Variants in PRX observed in about 807,000 individuals in gnomAD.
PRX encodes the protein periaxin.
In PRX, 24 loss-of-function variants were observed where a neutral mutation model predicts 29.6. The ratio of observed to expected loss-of-function variants is 0.81; its 90% CI spans 0.59 to 1.14. The LOEUF (loss-of-function observed/expected upper bound fraction) is 1.14. Among genes scored for constraint, PRX ranks in the 50% most tolerant of loss-of-function variants. PRX has a pLI of 0.00. For missense variants in PRX, 1,838 were observed against 1,926.4 expected (o/e 0.95, Z 0.86); for synonymous variants, 772 against 831.7 (o/e 0.93, Z 1.24).
At chr19:40,399,847 TTTCCTTTC>T (rs1568711419) in intron 5 of PRX, among the ~76,000 whole-genome samples, 1 of 137,348 alleles carries the variant, frequency 7.3e-6, no homozygotes, top group African/African-American at 2.7e-5. Flanking sequence ...CCCAGCTTTC[TTTCCTTTC>T]TTTCTTTCTT....
At chr19:40,409,732 A>T (rs1227998469) in intron 1 of PRX, among the ~76,000 whole-genome samples, 1 of 152,102 alleles carries the variant, frequency 6.6e-6, no homozygotes, top group Non-Finnish European at 1.5e-5. Flanking sequence ...TCAGCCTCCC[A>T]AAGTGCTGGG....
chr19:40,399,846 C>CT (rs2079475511), intron 5 of PRX, among the ~76,000 whole-genome samples: 2 of 129,692 alleles, frequency 1.5e-5, no homozygotes, highest in East Asian at 2.2e-4. Flanking sequence ...ACCCAGCTTT[C>CT]TTTCCTTTCT....
chr19:40,412,576 A>G (rs1475913409), intron 1 of PRX, among the ~76,000 whole-genome samples: 1 of 152,118 alleles, frequency 6.6e-6, no homozygotes, highest in African/African-American at 2.4e-5. Context: ...AGTGGCCCCC[A>G]CTTTCTCTGC....
chr19:40,407,546 C>T, intron 4 of PRX: 1 of 405,584 alleles, frequency 2.5e-6, no homozygotes, highest in Non-Finnish European at 4.6e-6. Flanking sequence ...AGCGATCCTC[C>T]TGCCTCGGCC....
At chr19:40,412,480 T>TA (rs2079562927) in intron 1 of PRX, among the ~76,000 whole-genome samples, 1 of 152,136 alleles carries the variant, frequency 6.6e-6, no homozygotes, top group African/African-American at 2.4e-5. Context: ...TTGATTAATA[T>TA]AAACTCGTCT....
intron 5 of PRX, among the ~76,000 whole-genome samples, chr19:40,399,850 C>CTTTCTTT (rs2079475654): frequency 3.3e-5 from 4 of 119,624 alleles, no homozygotes; most frequent in East Asian, 2.6e-4. Flanking sequence ...AGCTTTCTTT[C>CTTTCTTT]CTTTCTTTCT....
At chr19:40,412,484 C>A (rs949159581) in intron 1 of PRX, among the ~76,000 whole-genome samples, 1 of 152,170 alleles carries the variant, frequency 6.6e-6, no homozygotes, top group Non-Finnish European at 1.5e-5. Flanking sequence ...TTAATATAAA[C>A]TCGTCTCTGA....
intron 4 of PRX, among the ~76,000 whole-genome samples, chr19:40,407,211 C>G (rs1039284171): frequency 9.8e-6 from 1 of 102,394 alleles, no homozygotes; most frequent in Non-Finnish European, 1.8e-5. Context: ...ATTATATGCC[C>G]TTGTGTGTGT....
rs886054437 is a variant in PRX at position 40,396,281 on chromosome 19, T to G, written c.2071A>C (p.Met691Leu). 2 of 1,600,110 alleles carry G rather than the reference T, an allele frequency of 1.2e-6. No homozygotes were observed. The highest frequency in any genetic ancestry group is 1.7e-6 in the Non-Finnish European group (2 of 1,175,270). ...ATTTCAGGCACCTTGGGGAGTTTCA[T>G]CTCTGAGACTTTTGGCAGCTGCACC... ...PEVQLPKVSE[M>L]KLPKVPEMAV... Residue 691 changes from methionine to leucine, a missense_variant, in exon 7 of 7, where the codon ATG becomes CTG. By Grantham distance (15) the Met-to-Leu change is conservative. Around this residue, in one of 3 missense-constraint regions of PRX, gnomAD observed 1,143 missense variants for 1,193.0 expected, o/e 0.96. Transcript: ENST00000324001.
chr19:40,398,276 G>A lies in PRX; in HGVS notation c.382-306C>T, dbSNP rs2079461676. On this transcript the variant is annotated intron_variant, in intron 6 of 6. Coordinates refer to ENST00000324001, the MANE Select transcript of PRX (RefSeq NM_181882.3). The surrounding 1 kb of genome is among the most constrained non-coding windows in gnomAD (Gnocchi z 6.3). ...ATGGGGAAACTGAGGCCCAGGGAGA[G>A]AAACAACTTTGTCCAGGGCCACTCA... 1 of 1,414,862 alleles carries A rather than the reference G, an allele frequency of 7.1e-7. No individual in the cohort carries two copies. The highest frequency in any genetic ancestry group is 1.4e-5 in the African/African-American group (1 of 69,442). The allele number at this position is 1,414,862 out of a possible 1,614,324, so 87.6% of individuals were successfully genotyped here.
upstream of PRX, chr19:40,413,506 C>T (rs755170588): frequency 2.0e-5 from 3 of 152,364 alleles, no homozygotes; most frequent in Non-Finnish European, 4.4e-5. Context: ...ACATCCCCCT[C>T]CTCCAGCTAC....
chr19:40,397,843 A>G lies in PRX; in HGVS notation c.509T>C (p.Leu170Pro), dbSNP rs1387520113. ...AGGACCCTTGACAGCCTCGGCTTTG[A>G]GGCCCCGACGCAGGCGGGAGAACTT... The part of the protein sequence containing the change: ...FPKFSRLRRG[L>P]KAEAVKGPVP... The change falls in exon 7 of 7, where the codon CTC becomes CCC. Residue 170 changes from leucine (L) to proline (P), a missense_variant. This residue lies in a region of PRX where 666 missense variants were observed against 665.0 expected (regional missense o/e 1.00). Coordinates refer to ENST00000324001, the MANE Select transcript of PRX (RefSeq NM_181882.3). The G allele has an allele frequency of 2.5e-6, 4 of 1,601,140 alleles. No individual in the cohort carries two copies. The highest frequency in any genetic ancestry group is 3.4e-6 in the Non-Finnish European group (4 of 1,174,790).
Position 40,403,691 on chromosome 19 carries a change from C to T in PRX, c.184+15G>A. On this transcript the variant is annotated intron_variant, in intron 5 of 6. Coordinates refer to ENST00000324001, the MANE Select transcript of PRX (RefSeq NM_181882.3). ...CCCGCAGTTCGACCCCGCCCCACACCCCGGGCCCGCCCACCTTCCTGCAGG... is the reference window on the plus strand; with the variant it reads ...CCCGCAGTTCGACCCCGCCCCACACTCCGGGCCCGCCCACCTTCCTGCAGG... The T allele has an allele frequency of 5.2e-6, 8 of 1,542,072 alleles. No homozygotes were observed. Among genetic ancestry groups the T allele is most frequent in the Non-Finnish European group, 6.1e-6 (7 of 1,143,418 alleles).
At chr19:40,414,235 G>A (rs1228836529), upstream of PRX, among the ~76,000 whole-genome samples, 3 of 151,956 alleles carry the variant, frequency 2.0e-5, no homozygotes, top group South Asian at 2.1e-4. Flanking sequence ...CAATCCTCCC[G>A]ACTGAGCCCC....
In PRX at chr19:40,396,056, C is replaced by T. The variant is rs763619423; in HGVS notation, c.2296G>A (p.Val766Met). The T allele has an allele frequency of 2.2e-5, 36 of 1,614,016 alleles. No individual in the cohort carries two copies. The Admixed American group carries it at 2.5e-4, about 11-fold the overall frequency. ...PEMQVPKVPD[V>M]HLPKAPEVKL... ...ACCTCTGGTGCCTTCGGAAGATGCA[C>T]GTCGGGAACCTTCGGCACTTGCATT... Residue 766 changes from valine (V) to methionine (M), a missense_variant, in exon 7 of 7, where the codon GTG (valine) becomes ATG (methionine). Val to Met is a conservative substitution (Grantham distance 21). Coordinates refer to ENST00000324001, the MANE Select transcript of PRX (RefSeq NM_181882.3).
At chr19:40,403,956 T>A (rs1311001484) in intron 4 of PRX, 94 bp from the exon 5 acceptor site, 2 of 1,356,168 alleles carry the variant, frequency 1.5e-6, no homozygotes, top group Non-Finnish European at 2.0e-6. Context: ...TATACATATA[T>A]ATGTTTATAT....
intron 5 of PRX, among the ~76,000 whole-genome samples, chr19:40,400,807 C>A (rs1465009638): frequency 6.6e-6 from 1 of 152,052 alleles, no homozygotes; most frequent in Admixed American, 6.6e-5. Context: ...TGTCTACATG[C>A]TCAAGTCACC....
chr19:40,409,090 G>T lies in PRX; in HGVS notation c.-242-707C>A, dbSNP rs182270532. On this transcript the variant is annotated intron_variant, in intron 1 of 6. Transcript: ENST00000324001. The stretch of plus-strand genomic sequence containing the variant: ...TGGTCTTGAACTCCTGACTGCAAGT[G>T]ATCAGCCCACCTTGGCCTCCCAAAG... Among the ~76,000 whole-genome samples the T allele has an allele frequency of 2.6e-5, 4 of 152,212 alleles. No homozygotes were observed. In the East Asian group the frequency reaches 7.7e-4, roughly 29 times the overall value.
Position 40,396,397 on chromosome 19 carries a change from A to G in PRX, c.1955T>C (p.Val652Ala), listed in dbSNP as rs963617308. ...CGGGAGCTGCACTTCCGGGAGGTGC[A>G]CATCGGGCACAGCCATCTCGGGCAC... The part of the protein sequence containing the change: ...PKVPEMAVPD[V>A]HLPEVQLPKV... The change falls in exon 7 of 7, where the codon GTG becomes GCG. Residue 652 changes from valine to alanine, a missense_variant. By Grantham distance (64) the Val-to-Ala change is moderately conservative. Transcript: ENST00000324001. 3.7e-6 allele frequency: 6 copies of G among 1,613,788 alleles called. No homozygotes were observed. The highest frequency in any genetic ancestry group is 5.1e-6 in the Non-Finnish European group (6 of 1,179,974).
Sources: allele counts gnomAD v4.1 joint callset (sites outside exome capture counted in the v4.1 genomes callset), GRCh38; gene constraint gnomAD v4.1.1; regional missense constraint gnomAD v4.1.1; non-coding constraint Gnocchi (gnomAD v3.1); transcripts MANE v1.5; gene names NCBI Gene and HGNC (gene_info 2026-07-23, HGNC 2026-07-21).